The following FAF1 variants were observed in gnomAD, a reference collection of about 807,000 sequenced individuals.
The protein encoded by FAF1 is FAS-associated factor 1.
FAF1 carries 25 observed loss-of-function variants against 92.5 expected under a neutral mutation model. The observed-to-expected ratio is 0.27, with a 90% CI of 0.20 to 0.38. The LOEUF is 0.38. Among genes scored for constraint, FAF1 ranks in the 10% least tolerant of loss-of-function variants. FAF1 has a pLI of 1.00. For synonymous variants in FAF1, 234 were observed against 273.2 expected, an observed-to-expected ratio of 0.86 and a Z score of 1.42; for missense variants, 636 against 793.3, an observed-to-expected ratio of 0.80 and a Z score of 2.38.
At chr1:50,731,530 T>C (rs1036151635) in intron 6 of FAF1, among the ~76,000 whole-genome samples, 26 of 152,060 alleles carry the variant, frequency 1.7e-4, no homozygotes, top group Non-Finnish European at 2.8e-4. Flanking sequence ...CCACCACACC[T>C]GGCTAATTTT....
intron 3 of FAF1, among the ~76,000 whole-genome samples, chr1:50,789,034 A>G (rs938529524): frequency 6.6e-6 from 1 of 151,974 alleles, no homozygotes; most frequent in Non-Finnish European, 1.5e-5. Flanking sequence ...GAGTCTTGTT[A>G]ATGTTGCCCG....
Position 50,490,464 on chromosome 1 carries a change from A to G in FAF1, c.1653+124T>C, listed in dbSNP as rs576240829. 242 of 574,796 alleles carry G rather than the reference A, an allele frequency of 4.2e-4. 1 individual carries two copies. The highest frequency in any genetic ancestry group is 1.8e-3 in the South Asian group (89 of 49,734). The allele number at this position is 574,796 out of a possible 1,614,324, so 35.6% of individuals were successfully genotyped here. On this transcript the variant is annotated intron_variant, in intron 17 of 18. Transcript: ENST00000396153. ...GGAAGGAAGGAAGGAAGGAAGGAAAAAGAAAGAAGGAAGGAAGGAAGGAAG... is the reference window on the plus strand; with the variant it reads ...GGAAGGAAGGAAGGAAGGAAGGAAAGAGAAAGAAGGAAGGAAGGAAGGAAG...
rs1652113015 is a variant in FAF1, at chr1:50,601,247, G to A, written c.745-5031C>T. On this transcript the variant is annotated intron_variant, in intron 8 of 18. Transcript: ENST00000396153. ...ATAAAATACTAGGACAATATGCAAAGGAAAACTCCAGTAAACCATCATGAC... is the reference window on the plus strand; with the variant it reads ...ATAAAATACTAGGACAATATGCAAAAGAAAACTCCAGTAAACCATCATGAC... 2.0e-5 allele frequency among the ~76,000 whole-genome samples: 3 copies of A among 152,152 alleles called. 1 individual carries two copies. In the South Asian group the frequency reaches 6.2e-4, roughly 32 times the overall value.
intron 1 of FAF1, among the ~76,000 whole-genome samples, chr1:50,938,988 G>A (rs1342131687): frequency 6.6e-6 from 1 of 152,200 alleles, no homozygotes; most frequent in Non-Finnish European, 1.5e-5. Flanking sequence ...ATACTTTGAA[G>A]TTGGGTGGTA....
rs549320791 is a variant in FAF1 at position 50,783,466 on chromosome 1, A to G, written c.367+4534T>C. Among the ~76,000 whole-genome samples the G allele has an allele frequency of 5.3e-5, 8 of 152,372 alleles. 1 individual carries two copies. The South Asian group carries it at 1.7e-3, about 32-fold the overall frequency. ...ATGCAAAGATCCTCAACAAAATATT[A>G]GCGAAACTAAATTCAACAGCACATT... On this transcript the variant is annotated intron_variant, in intron 4 of 18. Transcript: ENST00000396153.
chr1:50,875,575 C>G (rs559657843), intron 1 of FAF1, among the ~76,000 whole-genome samples: 12 of 152,242 alleles, frequency 7.9e-5, no homozygotes, highest in Admixed American at 6.5e-4. Context: ...GTCTCAGCCT[C>G]CCAAGCAGCT....
At chr1:50,451,230 A>T (rs980377137) in intron 18 of FAF1, among the ~76,000 whole-genome samples, 1 of 152,210 alleles carries the variant, frequency 6.6e-6, no homozygotes, top group East Asian at 1.9e-4. Flanking sequence ...ACAAGGGGAG[A>T]AAAGATTAAA....
intron 4 of FAF1, among the ~76,000 whole-genome samples, chr1:50,751,661 A>AG (rs1659874702): frequency 6.6e-6 from 1 of 152,200 alleles, no homozygotes; most frequent in Non-Finnish European, 1.5e-5. Context: ...TTTGTAAACA[A>AG]GCCACATGGC....
At chr1:50,832,889 A>G (rs982866266) in intron 2 of FAF1, among the ~76,000 whole-genome samples, 7 of 152,168 alleles carry the variant, frequency 4.6e-5, no homozygotes, top group African/African-American at 1.7e-4. Context: ...TAAGCTATTT[A>G]TTTCTCTCAA....
chr1:50,554,390 T>TATATATATATAGAGAG, intron 13 of FAF1, among the ~76,000 whole-genome samples: 35 of 93,678 alleles, frequency 3.7e-4, no homozygotes, highest in African/African-American at 1.4e-3. Flanking sequence ...TATATATATA[T>TATATATATATAGAGAG]AGAGAGAGAG....
chr1:50,462,058 AT>A, intron 18 of FAF1: 1 of 144,604 alleles, frequency 6.9e-6, no homozygotes, highest in Admixed American at 7.0e-5. Context: ...AATATATAAC[AT>A]ATCAATATTT....
chr1:50,514,861 C>T (rs1647193444), intron 15 of FAF1, among the ~76,000 whole-genome samples: 1 of 152,086 alleles, frequency 6.6e-6, no homozygotes, highest in African/African-American at 2.4e-5. Context: ...AAGGCTAAAC[C>T]AATCCAGAGA....
At chr1:50,671,099 CTTAG>C (rs1655853143) in intron 7 of FAF1, among the ~76,000 whole-genome samples, 1 of 151,948 alleles carries the variant, frequency 6.6e-6, no homozygotes, top group South Asian at 2.1e-4. Flanking sequence ...TCTAAACATT[CTTAG>C]TTAAAAATGT....
chr1:50,819,635 C>G lies in FAF1; in HGVS notation c.115-17958G>C, dbSNP rs899920438. Reference sequence around the variant, plus strand: ...AGCAAGACTGACCGACTGACTGACTCACTCACACACACACACACACACACA... The same window carrying G: ...AGCAAGACTGACCGACTGACTGACTGACTCACACACACACACACACACACA... On this transcript the variant is annotated intron_variant, in intron 2 of 18. Coordinates refer to ENST00000396153, the MANE Select transcript of FAF1 (RefSeq NM_007051.3). Among the ~76,000 whole-genome samples the G allele has an allele frequency of 5.9e-4, 58 of 97,954 alleles. 1 individual carries two copies. Among genetic ancestry groups the G allele is most frequent in the Non-Finnish European group, 8.8e-4 (46 of 52,288 alleles). 64.3% of individuals were successfully genotyped at this position (97,954 alleles called of 152,430 possible). A position where few individuals can be genotyped will look rare whatever the true frequency, so the allele number is the denominator to read the frequency against.
chr1:50,503,503 C>A (rs1191032761), intron 15 of FAF1, among the ~76,000 whole-genome samples: 1 of 151,762 alleles, frequency 6.6e-6, no homozygotes, highest in Non-Finnish European at 1.5e-5. Flanking sequence ...TGTCTGTAGT[C>A]CCAGCTATAG....
At chr1:50,850,681 A>G (rs1405671159) in intron 2 of FAF1, among the ~76,000 whole-genome samples, 1 of 152,162 alleles carries the variant, frequency 6.6e-6, no homozygotes, top group Admixed American at 6.5e-5. Flanking sequence ...CCTGGCAGGT[A>G]TAAGTAGGAA....
chr1:50,619,232 A>G (rs12563009), intron 8 of FAF1, among the ~76,000 whole-genome samples: 7,008 of 152,282 alleles, frequency 0.046, 190 homozygotes, highest in East Asian at 0.072. Flanking sequence ...TAGCCCATTT[A>G]TATTCAAAGT....
At chr1:50,826,824 T>G (rs1281767208) in intron 2 of FAF1, among the ~76,000 whole-genome samples, 1 of 152,206 alleles carries the variant, frequency 6.6e-6, no homozygotes, top group Non-Finnish European at 1.5e-5. Context: ...TTATATCTAC[T>G]AAAGATACCA....
At chr1:50,567,026 A>ATT in intron 13 of FAF1, 51 bp downstream of exon 13, 7 of 1,252,586 alleles carry the variant, frequency 5.6e-6, no homozygotes, top group South Asian at 5.4e-5. Flanking sequence ...AAACACAATG[A>ATT]TTTTTTTTTT....
Sources: allele counts gnomAD v4.1 joint callset (sites outside exome capture counted in the v4.1 genomes callset), GRCh38; gene constraint gnomAD v4.1.1; transcripts MANE v1.5; gene names NCBI Gene and HGNC (gene_info 2026-07-23, HGNC 2026-07-21).